Variants in HSPA12A observed in about 807,000 individuals in gnomAD.
HSPA12A encodes the protein heat shock protein family A (Hsp70) member 12A.
In HSPA12A, 28 loss-of-function variants were observed where a neutral mutation model predicts 69.2. The ratio of observed to expected loss-of-function variants is 0.40; its 90% CI spans 0.30 to 0.55. HSPA12A has a LOEUF of 0.55. Among genes scored for constraint, HSPA12A ranks in the 20% least tolerant of loss-of-function variants. The probability of loss-of-function intolerance (pLI) is 0.38; values close to 1 mark genes in which losing one functional copy is unlikely to be tolerated. For missense variants in HSPA12A, 686 were observed against 900.7 expected, an observed-to-expected ratio of 0.76 and a Z score of 3.05; for synonymous variants, 345 against 370.5, an observed-to-expected ratio of 0.93 and a Z score of 0.79.
intron 1 of HSPA12A, among the ~76,000 whole-genome samples, chr10:116,709,028 TC>T (rs1193733362): frequency 6.6e-6 from 1 of 151,588 alleles, no homozygotes; most frequent in Non-Finnish European, 1.5e-5. Flanking sequence ...GACCAGCAAT[TC>T]CACTCCTAGG....
chr10:116,785,516 C>T (rs774840400), intron 2 of HSPA12A, among the ~76,000 whole-genome samples: 94 of 152,216 alleles, frequency 6.2e-4, no homozygotes, highest in Non-Finnish European at 1.3e-3. Context: ...CCCAGATCCC[C>T]GCCTGCCTCC....
intron 2 of HSPA12A, among the ~76,000 whole-genome samples, chr10:116,821,281 C>G (rs1417542713): frequency 1.3e-5 from 2 of 152,228 alleles, no homozygotes; most frequent in Non-Finnish European, 2.9e-5. Flanking sequence ...CATCTCCCAG[C>G]TAAGTGGCCT....
At chr10:116,704,060 C>A (rs1850160212) in intron 3 of HSPA12A, among the ~76,000 whole-genome samples, 1 of 152,208 alleles carries the variant, frequency 6.6e-6, no homozygotes, top group African/African-American at 2.4e-5. Context: ...GTGGCGATTC[C>A]TCAGGGATCT....
intron 2 of HSPA12A, among the ~76,000 whole-genome samples, chr10:116,825,809 A>G (rs2133203068): frequency 6.6e-6 from 1 of 152,328 alleles, no homozygotes; most frequent in South Asian, 2.1e-4. Flanking sequence ...TCTGTGATAT[A>G]TTAAAAATCA....
chr10:116,780,268 G>A (rs940305958), intron 2 of HSPA12A, among the ~76,000 whole-genome samples: 1 of 152,110 alleles, frequency 6.6e-6, no homozygotes, highest in African/African-American at 2.4e-5. Context: ...TAACCTTCCT[G>A]TTTCATGGAC....
At chr10:116,840,144 T>G (rs958332228) in intron 1 of HSPA12A, among the ~76,000 whole-genome samples, 25 of 152,258 alleles carry the variant, frequency 1.6e-4, no homozygotes, top group Non-Finnish European at 3.4e-4. Flanking sequence ...TGAGTTGATT[T>G]TGACTGCATA....
At chr10:116,849,832 A>T (rs1013510629), upstream of HSPA12A, 42 of 1,331,816 alleles carry the variant, frequency 3.2e-5, no homozygotes, top group Non-Finnish European at 4.0e-5. Flanking sequence ...AGAATCTCGC[A>T]TGCCAGCCGC....
At chr10:116,846,140 G>A (rs1338121157) in intron 1 of HSPA12A, among the ~76,000 whole-genome samples, 1 of 152,148 alleles carries the variant, frequency 6.6e-6, no homozygotes, top group Admixed American at 6.5e-5. Flanking sequence ...GTGAATGACA[G>A]AAGCTGACTG....
At position 116,671,323 on chromosome 10, in the gene HSPA12A, T is replaced by C. The variant is rs1849067233; in HGVS notation, c.*3458A>G. On this transcript the variant is annotated 3_prime_UTR_variant, in exon 12 of 12. Transcript: ENST00000369209. ...TATCTTGTAGTGAATGAGACCCCAG[T>C]AGCTGATATTTTAGAATACTGGTCC... The C allele has an allele frequency of 6.6e-6, 1 of 152,178 alleles. No homozygotes were observed. Among genetic ancestry groups the C allele is most frequent in the Non-Finnish European group, 1.5e-5 (1 of 68,028 alleles). 9.4% of individuals were successfully genotyped at this position (152,178 alleles called of 1,614,324 possible). A position where few individuals can be genotyped will look rare whatever the true frequency, so the allele number is the denominator to read the frequency against.
chr10:116,804,412 A>G (rs558804875), intron 2 of HSPA12A, among the ~76,000 whole-genome samples: 44 of 152,120 alleles, frequency 2.9e-4, no homozygotes, highest in African/African-American at 9.6e-4. Context: ...GCAGCGTCCT[A>G]TGGGGCTCAC....
intron 1 of HSPA12A, among the ~76,000 whole-genome samples, chr10:116,730,339 G>T (rs1851111438): frequency 6.6e-6 from 1 of 152,206 alleles, no homozygotes. Context: ...ATCTAGAGAG[G>T]TTGAATACCT....
chr10:116,711,489 T>C (rs1246984742), intron 1 of HSPA12A, among the ~76,000 whole-genome samples: 1 of 152,036 alleles, frequency 6.6e-6, no homozygotes, highest in Non-Finnish European at 1.5e-5. Flanking sequence ...AGGACAGAGC[T>C]AAAGGAACTA....
At chr10:116,709,572 T>G (rs1850364386) in intron 1 of HSPA12A, among the ~76,000 whole-genome samples, 1 of 151,178 alleles carries the variant, frequency 6.6e-6, no homozygotes, top group African/African-American at 2.4e-5. Context: ...ACCTAGAAAA[T>G]ATGCTAAGTA....
At chr10:116,679,804 T>C in intron 9 of HSPA12A, 43 bp from the exon 10 acceptor site, 1 of 1,598,526 alleles carries the variant, frequency 6.3e-7, no homozygotes. Context: ...TTAAAAACCA[T>C]TAGAAACCCA....
At chr10:116,817,663 A>C (rs1275866273) in intron 2 of HSPA12A, among the ~76,000 whole-genome samples, 1 of 152,158 alleles carries the variant, frequency 6.6e-6, no homozygotes, top group East Asian at 1.9e-4. Context: ...GGCCATTGTT[A>C]AAATATTTCA....
intron 2 of HSPA12A, among the ~76,000 whole-genome samples, chr10:116,825,287 A>T (rs1349371774): frequency 6.6e-6 from 1 of 151,894 alleles, no homozygotes; most frequent in Non-Finnish European, 1.5e-5. Context: ...AGATGGGAGG[A>T]TCACTTGAGC....
chr10:116,732,052 C>G (rs538986012), intron 1 of HSPA12A, among the ~76,000 whole-genome samples: 1 of 152,052 alleles, frequency 6.6e-6, no homozygotes, highest in South Asian at 2.1e-4. Flanking sequence ...GAGACAGGGC[C>G]AGGGGTGGTG....
chr10:116,725,098 C>G (rs1333368173), intron 1 of HSPA12A, among the ~76,000 whole-genome samples: 3 of 152,210 alleles, frequency 2.0e-5, no homozygotes, highest in African/African-American at 7.2e-5. Context: ...TCCCACAATA[C>G]CACTTTGCCT....
chr10:116,737,567 A>G (rs1294358776), intron 1 of HSPA12A, among the ~76,000 whole-genome samples: 1 of 152,206 alleles, frequency 6.6e-6, no homozygotes, highest in Non-Finnish European at 1.5e-5. Flanking sequence ...AGAAGGTGAA[A>G]GATATCATTA....
Sources: gnomAD v4.1 joint callset for allele counts (sites outside exome capture counted in the v4.1 genomes callset) on GRCh38, gnomAD v4.1.1 for gene constraint, MANE v1.5 for transcripts, NCBI Gene and HGNC (gene_info 2026-07-23, HGNC 2026-07-21) for gene names.